The following MAML3 variants were observed in gnomAD, a reference collection of about 807,000 sequenced individuals.
MAML3 encodes the protein mastermind like transcriptional coactivator 3.
A neutral mutation model predicts 101.9 loss-of-function variants in MAML3; 27 were observed. That is an observed-to-expected ratio of 0.27 (90% CI 0.20 to 0.37). The LOEUF is 0.37. Among genes scored for constraint, MAML3 ranks in the 10% least tolerant of loss-of-function variants. The probability of loss-of-function intolerance (pLI) is 1.00; values close to 1 mark genes in which losing one functional copy is unlikely to be tolerated. For synonymous variants in MAML3, 501 were observed against 555.9 expected, an observed-to-expected ratio of 0.90 and a Z score of 1.39; for missense variants, 1,316 against 1,444.9, an observed-to-expected ratio of 0.91 and a Z score of 1.45.
intron 4 of MAML3, 49 bp from the exon 5 acceptor site, chr4:139,720,372 T>C (rs373759989): frequency 3.4e-6 from 5 of 1,467,770 alleles, no homozygotes; most frequent in African/African-American, 2.8e-5. Flanking sequence ...CCATAAGCAA[T>C]ATACTGCAAC....
intron 1 of MAML3, among the ~76,000 whole-genome samples, chr4:140,091,130 A>C (rs986260434): frequency 6.6e-6 from 1 of 152,172 alleles, no homozygotes; most frequent in South Asian, 2.1e-4. Context: ...CTAATTAGGA[A>C]AAGCCAGCAT....
At chr4:139,910,064 GAAGAAT>G (rs2111222565) in intron 1 of MAML3, among the ~76,000 whole-genome samples, 1 of 152,228 alleles carries the variant, frequency 6.6e-6, no homozygotes, top group South Asian at 2.1e-4. Context: ...ACAAAACAAA[GAAGAAT>G]AATTTGTGGT....
intron 2 of MAML3, among the ~76,000 whole-genome samples, chr4:139,849,169 C>A (rs920722326): frequency 6.6e-6 from 1 of 152,102 alleles, no homozygotes; most frequent in Non-Finnish European, 1.5e-5. Context: ...ATATGACTAT[C>A]CTGATCATAG....
intron 1 of MAML3, among the ~76,000 whole-genome samples, chr4:140,040,232 T>C (rs1309087354): frequency 6.6e-6 from 1 of 152,226 alleles, no homozygotes; most frequent in Admixed American, 6.5e-5. Context: ...TTCTATTCCA[T>C]TGTAGTGTTG....
At chr4:139,723,905 A>C (rs1472853577) in intron 4 of MAML3, among the ~76,000 whole-genome samples, 1 of 152,228 alleles carries the variant, frequency 6.6e-6, no homozygotes, top group Non-Finnish European at 1.5e-5. Context: ...GATTTACTGA[A>C]TCAGAAACAC....
intron 1 of MAML3, among the ~76,000 whole-genome samples, chr4:139,901,733 A>G (rs1216705404): frequency 6.6e-6 from 1 of 152,206 alleles, no homozygotes; most frequent in African/African-American, 2.4e-5. Context: ...TGTTAGAACT[A>G]AGCGTGAGGT....
chr4:139,994,443 T>C (rs553063771), intron 1 of MAML3, among the ~76,000 whole-genome samples: 3 of 152,262 alleles, frequency 2.0e-5, no homozygotes, highest in East Asian at 1.9e-4. Flanking sequence ...AGCAGGAGGA[T>C]TGCTTGAGGC....
chr4:140,143,656 G>T (rs1729011322), intron 1 of MAML3, among the ~76,000 whole-genome samples: 1 of 152,162 alleles, frequency 6.6e-6, no homozygotes, highest in African/African-American at 2.4e-5. Flanking sequence ...AGCTACTCGG[G>T]AGGCTGAGGC....
intron 1 of MAML3, among the ~76,000 whole-genome samples, chr4:139,993,859 T>A (rs1734751602): frequency 6.6e-6 from 1 of 152,134 alleles, no homozygotes; most frequent in South Asian, 2.1e-4. Flanking sequence ...TTTTATAAAG[T>A]CCAACTTACC....
chr4:139,801,644 GT>G (rs1560798545), intron 2 of MAML3, among the ~76,000 whole-genome samples: 23 of 5,080 alleles, frequency 4.5e-3, no homozygotes, highest in Non-Finnish European at 0.013. Flanking sequence ...GTGTGTGTGG[GT>G]GTGTGTGTGT....
At chr4:139,975,437 G>A (rs190944851) in intron 1 of MAML3, among the ~76,000 whole-genome samples, 39 of 151,984 alleles carry the variant, frequency 2.6e-4, no homozygotes, top group African/African-American at 8.4e-4. Context: ...ACATGAACAC[G>A]CGTGCAGGCA....
intron 1 of MAML3, among the ~76,000 whole-genome samples, chr4:140,124,824 G>A (rs1012037272): frequency 1.3e-5 from 2 of 152,166 alleles, no homozygotes; most frequent in African/African-American, 2.4e-5. Context: ...GCAGAGCCAT[G>A]AGCAACCTGA....
intron 1 of MAML3, among the ~76,000 whole-genome samples, chr4:140,045,837 C>T (rs1578657500): frequency 6.6e-6 from 1 of 152,268 alleles, no homozygotes; most frequent in South Asian, 2.1e-4. Flanking sequence ...GAGCTATAAA[C>T]AATGGGCAAG....
chr4:140,145,557 T>C (rs1729045580), intron 1 of MAML3, among the ~76,000 whole-genome samples: 1 of 147,814 alleles, frequency 6.8e-6, no homozygotes, highest in Admixed American at 6.6e-5. Flanking sequence ...GATTTTTTTG[T>C]TTTGTTTTGT....
intron 1 of MAML3, among the ~76,000 whole-genome samples, chr4:140,011,121 G>GTGTGTATATA (rs1553968773): frequency 2.3e-4 from 15 of 65,082 alleles, no homozygotes; most frequent in East Asian, 1.0e-3. Context: ...AAGTGTGTGT[G>GTGTGTATATA]TATATATATA....
Position 139,956,527 on chromosome 4 carries a change from T to C in MAML3, c.469-65560A>G, listed in dbSNP as rs112407149. On this transcript the variant is annotated intron_variant, in intron 1 of 4. Coordinates refer to ENST00000509479, the MANE Select transcript of MAML3 (RefSeq NM_018717.5). ...ACAAGCAAACTCAACTATTTGCCTT[T>C]GGCATAAAAAGAAAGGAAAAATAGA... 4.1e-4 allele frequency among the ~76,000 whole-genome samples: 63 copies of C among 152,326 alleles called. 1 individual carries two copies. The highest frequency in any genetic ancestry group is 1.4e-3 in the African/African-American group (59 of 41,560).
chr4:140,089,953 C>T (rs963929228), intron 1 of MAML3, among the ~76,000 whole-genome samples: 2 of 152,118 alleles, frequency 1.3e-5, no homozygotes, highest in African/African-American at 4.8e-5. Context: ...CAGGCATTTG[C>T]CAAAATTCAC....
intron 1 of MAML3, among the ~76,000 whole-genome samples, chr4:140,072,143 T>A (rs1481332721): frequency 2.0e-5 from 3 of 152,164 alleles, no homozygotes; most frequent in Non-Finnish European, 2.9e-5. Flanking sequence ...GCTGCCATAA[T>A]CCTTCCTTCT....
At chr4:139,937,016 C>G (rs1733520397) in intron 1 of MAML3, among the ~76,000 whole-genome samples, 1 of 152,168 alleles carries the variant, frequency 6.6e-6, no homozygotes, top group South Asian at 2.1e-4. Context: ...CTATCACATT[C>G]CCATCAAAAT....
Sources: allele counts gnomAD v4.1 joint callset (sites outside exome capture counted in the v4.1 genomes callset), GRCh38; gene constraint gnomAD v4.1.1; transcripts MANE v1.5; gene names NCBI Gene and HGNC (gene_info 2026-07-23, HGNC 2026-07-21).